The following ABCA10 variants were observed in gnomAD, a reference collection of about 807,000 sequenced individuals.
ABCA10 encodes ATP-binding cassette sub-family A member 10.
ABCA10 carries 169 observed loss-of-function variants against 187.5 expected under a neutral mutation model. The observed-to-expected ratio is 0.90, with a 90% confidence interval of 0.80 to 1.02. The LOEUF is 1.02. Among genes scored for constraint, ABCA10 ranks in the 50% least tolerant of loss-of-function variants. The pLI, the probability that ABCA10 is intolerant of heterozygous loss-of-function variation, is 0.00. For synonymous variants in ABCA10, 574 were observed against 601.8 expected (o/e 0.95, Z 0.68); for missense variants, 1,727 against 1,812.4 (o/e 0.95, Z 0.86).
At position 69,191,303 on chromosome 17, in the gene ABCA10, A is replaced by T; in HGVS notation, c.1884T>A (p.Asn628Lys). 1 of 1,566,470 alleles carries T rather than the reference A, an allele frequency of 6.4e-7. No individual in the cohort carries two copies. The highest frequency in any genetic ancestry group is 8.7e-7 in the Non-Finnish European group (1 of 1,152,816). Residue 628 changes from asparagine to lysine, a missense_variant, in exon 17 of 39, where the codon AAT becomes AAA. Asn to Lys is a moderately conservative substitution (Grantham distance 94). Transcript: ENST00000690296. The part of the protein sequence containing the change: ...GIGYHLSLHR[N>K]EMCDTEKITS... The stretch of plus-strand genomic sequence containing the variant: ...TGATTTTTTCTGTGTCACACATTTC[A>T]TTCCTGTGTAAACTATTATTTCAAA...
At chr17:69,148,961 CA>C (rs748198598) in intron 38 of ABCA10, 36 bp from the exon 39 acceptor site, 156 of 1,612,524 alleles carry the variant, frequency 9.7e-5, no homozygotes, top group Admixed American at 1.3e-4. Flanking sequence ...ACAAAAATGT[CA>C]GGGTGTGTCT....
chr17:69,219,583 T>C lies in ABCA10; in HGVS notation c.492A>G (p.Lys164=). The C allele has an allele frequency of 6.2e-7, 1 of 1,607,884 alleles. No homozygotes were observed. Among genetic ancestry groups the C allele is most frequent in the South Asian group, 1.1e-5 (1 of 88,870 alleles). Reference sequence around the variant, plus strand: ...CTCGGAGACCCATCACTGTCATCAGTTTCTTAAATTTTCCTCTTTCCCTTG... The same window carrying C: ...CTCGGAGACCCATCACTGTCATCAGCTTCTTAAATTTTCCTCTTTCCCTTG... ...NVARERGKFK[K]LMTVMGLRES... Residue 164 remains lysine (K), a synonymous_variant, in exon 6 of 39, where the codon AAA becomes AAG. Transcript: ENST00000690296.
intron 1 of ABCA10, among the ~76,000 whole-genome samples, chr17:69,242,316 T>G (rs190617981): frequency 6.6e-6 from 1 of 152,338 alleles, no homozygotes; most frequent in African/African-American, 2.4e-5. Flanking sequence ...GATATGTTAA[T>G]AAATAAAAAT....
chr17:69,213,438 C>T (rs1333941707), intron 9 of ABCA10, among the ~76,000 whole-genome samples: 5 of 152,016 alleles, frequency 3.3e-5, no homozygotes, highest in East Asian at 1.9e-4. Context: ...CTCAGACCAA[C>T]GGTGTTATGT....
intron 19 of ABCA10, among the ~76,000 whole-genome samples, chr17:69,186,478 T>A (rs1452427598): frequency 1.3e-5 from 2 of 152,156 alleles, no homozygotes; most frequent in Non-Finnish European, 2.9e-5. Context: ...TCCGTCTATC[T>A]CTCATTCATT....
intron 16 of ABCA10, among the ~76,000 whole-genome samples, chr17:69,191,689 CATT>C (rs2074461429): frequency 1.3e-5 from 2 of 152,114 alleles, no homozygotes; most frequent in Middle Eastern, 3.4e-3. Flanking sequence ...ATAAAACTAT[CATT>C]ATTGTGCTAC....
intron 18 of ABCA10, 109 bp downstream of exon 18, chr17:69,190,249 C>A (rs560000032): frequency 8.3e-7 from 1 of 1,204,340 alleles, no homozygotes; most frequent in Non-Finnish European, 1.1e-6. Context: ...CTATCTAATG[C>A]ATATTATAGG....
chr17:69,200,028 A>G (rs2074532716), intron 10 of ABCA10, among the ~76,000 whole-genome samples: 1 of 152,196 alleles, frequency 6.6e-6, no homozygotes. Flanking sequence ...TGATCTTTTC[A>G]TATTAGGTTA....
Position 69,189,357 on chromosome 17 carries a change from T to C in ABCA10, c.2131+1001A>G, listed in dbSNP as rs550971909. On this transcript the variant is annotated intron_variant, in intron 18 of 38. Transcript: ENST00000690296. Reference sequence around the variant, plus strand: ...GAGAAGTATCTGTTCATGTCCTTTGTCCATTTTTTAATGGGGTTGTTTTTG... The same window carrying C: ...GAGAAGTATCTGTTCATGTCCTTTGCCCATTTTTTAATGGGGTTGTTTTTG... Among the ~76,000 whole-genome samples, 92 of 152,228 alleles carry C rather than the reference T, an allele frequency of 6.0e-4. 1 individual carries two copies. The highest frequency in any genetic ancestry group is 2.0e-3 in the African/African-American group (83 of 41,558).
chr17:69,207,072 G>A (rs770088790), intron 9 of ABCA10, among the ~76,000 whole-genome samples: 45 of 152,234 alleles, frequency 3.0e-4, no homozygotes, highest in Middle Eastern at 3.4e-3. Context: ...ATTTGAAAAC[G>A]AGCAAAGGAC....
chr17:69,211,772 AAGGTGTCCAT>A (rs1222391021), intron 9 of ABCA10, among the ~76,000 whole-genome samples: 2 of 152,022 alleles, frequency 1.3e-5, no homozygotes, highest in Non-Finnish European at 2.9e-5. Flanking sequence ...TTTGCACATA[AAGGTGTCCAT>A]AGTGGCCCTG....
chr17:69,183,934 G>A (rs949312954), intron 20 of ABCA10, among the ~76,000 whole-genome samples: 1 of 152,156 alleles, frequency 6.6e-6, no homozygotes, highest in African/African-American at 2.4e-5. Flanking sequence ...CATAACCGGA[G>A]AGCCCTGCTT....
intron 36 of ABCA10, 121 bp from the exon 37 acceptor site, chr17:69,150,184 TA>T: frequency 1.5e-6 from 1 of 665,688 alleles, no homozygotes; most frequent in Non-Finnish European, 2.5e-6. Context: ...TGATTTGATA[TA>T]GCATGAATCA....
At chr17:69,236,122 G>A (rs1170203120) in intron 1 of ABCA10, among the ~76,000 whole-genome samples, 2 of 152,158 alleles carry the variant, frequency 1.3e-5, no homozygotes, top group African/African-American at 2.4e-5. Flanking sequence ...TCAAATAGTA[G>A]TAGGATTTTT....
chr17:69,175,732 T>C (rs922943923), intron 22 of ABCA10: 4 of 344,004 alleles, frequency 1.2e-5, no homozygotes, highest in Admixed American at 4.7e-5. Flanking sequence ...TTTATATGTA[T>C]ATACGGTAGT....
chr17:69,165,432 G>A (rs1454900509), intron 25 of ABCA10, among the ~76,000 whole-genome samples: 2 of 152,254 alleles, frequency 1.3e-5, no homozygotes, highest in East Asian at 3.9e-4. Context: ...CTGATGATAT[G>A]ACTTGGGAAC....
upstream of ABCA10, chr17:69,233,518 T>G (rs929061598): frequency 6.6e-6 from 1 of 152,212 alleles, no homozygotes; most frequent in Non-Finnish European, 1.5e-5. Flanking sequence ...ATTTTACATT[T>G]TTTGTCTGAA....
At chr17:69,182,387 G>A in intron 21 of ABCA10, 97 bp from the exon 22 acceptor site, 1 of 1,094,738 alleles carries the variant, frequency 9.1e-7, no homozygotes, top group Non-Finnish European at 1.2e-6. Flanking sequence ...AGAATGAGAA[G>A]GAGACTATTA....
rs1211067733 is a variant in ABCA10, at chr17:69,149,106, G to C, written c.4478-18C>G. ...CTGTTTCACTGCATGTAAAGAGACT[G>C]ACATTAGTGGCTTATATATTTTTCA... On this transcript the variant is annotated intron_variant, in intron 37 of 38. Transcript: ENST00000690296. 1 of 1,613,358 alleles carries C rather than the reference G, an allele frequency of 6.2e-7. No individual in the cohort carries two copies. The highest frequency in any genetic ancestry group is 8.5e-7 in the Non-Finnish European group (1 of 1,179,424).
Sources: allele counts gnomAD v4.1 joint callset (sites outside exome capture counted in the v4.1 genomes callset), GRCh38; gene constraint gnomAD v4.1.1; transcripts MANE v1.5; gene names NCBI Gene and HGNC (gene_info 2026-07-23, HGNC 2026-07-21).